Variants in HDAC8 observed in about 807,000 individuals in gnomAD.
The protein encoded by HDAC8 is histone deacetylase-like 1.
In HDAC8, 1 loss-of-function variant was observed where a neutral mutation model predicts 32.2. The ratio of observed to expected loss-of-function variants is 0.03; its 90% CI spans 0.01 to 0.15. HDAC8 has a LOEUF of 0.15. Ranked by LOEUF, HDAC8 falls within the 10% of genes least tolerant of loss-of-function variation. The pLI, the probability that HDAC8 is intolerant of heterozygous loss-of-function variation, is 1.00. For missense variants in HDAC8, 117 were observed against 300.0 expected (o/e 0.39, Z 4.51); for synonymous variants, 108 against 113.9 (o/e 0.95, Z 0.33).
chrX:72,454,126 A>G lies in HDAC8; in HGVS notation c.1005+7878T>C. 1.8e-5 allele frequency among the ~76,000 whole-genome samples: 2 copies of G among 112,322 alleles called. 1 individual carries two copies. Among genetic ancestry groups the G allele is most frequent in the South Asian group, 7.4e-4 (2 of 2,704 alleles). On this transcript the variant is annotated intron_variant, in intron 9 of 10. Transcript: ENST00000373573. ...TATTGAAAAATGCTGGAATGGATGA[A>G]TATAAAAGATATTTTCTTACTCATA... is the stretch of plus-strand genomic sequence containing the variant.
At chrX:72,482,186 G>A (rs1393332180) in intron 7 of HDAC8, among the ~76,000 whole-genome samples, 1 of 111,180 alleles carries the variant, frequency 9.0e-6, no homozygotes, top group Non-Finnish European at 1.9e-5. Context: ...AGGACCAAGA[G>A]GTGGTATAAA....
At chrX:72,571,722 A>T (rs1001488308) in intron 2 of HDAC8, among the ~76,000 whole-genome samples, 4 of 107,963 alleles carry the variant, frequency 3.7e-5, no homozygotes, top group African/African-American at 1.3e-4. Context: ...GCCCGCTACC[A>T]CGTCCGGCTA....
chrX:72,376,921 G>A (rs1328791035), intron 9 of HDAC8: 1 of 110,545 alleles, frequency 9.0e-6, no homozygotes, highest in Non-Finnish European at 1.9e-5. Context: ...CATTCATCTT[G>A]GAGTATTTTA....
intron 4 of HDAC8, among the ~76,000 whole-genome samples, chrX:72,497,665 G>A (rs782769117): frequency 1.8e-5 from 2 of 111,371 alleles, no homozygotes; most frequent in South Asian, 3.8e-4. Flanking sequence ...AAGTGTTTAC[G>A]ATTATAAAAA....
chrX:72,395,006 A>T (rs782146692), intron 9 of HDAC8, among the ~76,000 whole-genome samples: 1 of 111,318 alleles, frequency 9.0e-6, no homozygotes, highest in South Asian at 3.8e-4. Flanking sequence ...AAGAACAGTG[A>T]CTCACCCAGA....
At chrX:72,366,655 A>G (rs2044707200) in intron 9 of HDAC8, among the ~76,000 whole-genome samples, 2 of 112,265 alleles carry the variant, frequency 1.8e-5, no homozygotes, top group African/African-American at 6.5e-5. Flanking sequence ...GGCACATAGT[A>G]GGCGCTCCAT....
At chrX:72,459,456 C>G (rs2047809008) in intron 9 of HDAC8, among the ~76,000 whole-genome samples, 1 of 110,630 alleles carries the variant, frequency 9.0e-6, no homozygotes, top group Non-Finnish European at 1.9e-5. Context: ...AGAACTAAAG[C>G]CCAAGACTGA....
chrX:72,486,082 CAG>C (rs2048667215), intron 7 of HDAC8, among the ~76,000 whole-genome samples: 1 of 110,399 alleles, frequency 9.1e-6, no homozygotes, highest in African/African-American at 3.3e-5. Flanking sequence ...AGATCGCCGA[CAG>C]AGTGAGACAC....
At chrX:72,533,682 G>T (rs782527213) in intron 4 of HDAC8, among the ~76,000 whole-genome samples, 34 of 111,289 alleles carry the variant, frequency 3.1e-4, no homozygotes, top group Non-Finnish European at 4.7e-4. Flanking sequence ...ACCAAAAAAG[G>T]ATTTATCCCA....
intron 2 of HDAC8, among the ~76,000 whole-genome samples, chrX:72,570,857 G>A (rs2052005021): frequency 8.9e-6 from 1 of 111,996 alleles, no homozygotes; most frequent in African/African-American, 3.2e-5. Context: ...GCAAGTTCAT[G>A]TTTTTGGAAG....
chrX:72,440,049 T>G (rs1670067360), intron 9 of HDAC8, among the ~76,000 whole-genome samples: 1 of 111,962 alleles, frequency 8.9e-6, no homozygotes, highest in Non-Finnish European at 1.9e-5. Context: ...TTGCACTTAT[T>G]CCAAAATTGA....
intron 4 of HDAC8, among the ~76,000 whole-genome samples, chrX:72,530,950 C>G (rs2050317444): frequency 8.9e-6 from 1 of 111,918 alleles, no homozygotes; most frequent in Admixed American, 9.5e-5. Flanking sequence ...AGGAAGAACA[C>G]CGTGAAGGTG....
intron 9 of HDAC8, among the ~76,000 whole-genome samples, chrX:72,359,947 T>C (rs1338419881): frequency 9.2e-6 from 1 of 108,972 alleles, no homozygotes. Flanking sequence ...TCCAGCTACT[T>C]GGGAGGCTGA....
intron 9 of HDAC8, among the ~76,000 whole-genome samples, chrX:72,431,593 T>C (rs1375522159): frequency 1.8e-5 from 2 of 111,100 alleles, no homozygotes; most frequent in Non-Finnish European, 3.8e-5. Context: ...GTCCTACCTG[T>C]TGCTGCCATT....
chrX:72,452,622 C>T (rs921995768), intron 9 of HDAC8, among the ~76,000 whole-genome samples: 2 of 111,654 alleles, frequency 1.8e-5, no homozygotes, highest in Non-Finnish European at 3.8e-5. Context: ...AATAAAAAGG[C>T]TAGTCAAGAC....
At chrX:72,410,533 T>C (rs1555969894) in intron 9 of HDAC8, among the ~76,000 whole-genome samples, 2 of 111,857 alleles carry the variant, frequency 1.8e-5, no homozygotes, top group Non-Finnish European at 3.8e-5. Flanking sequence ...AGCATTCAAT[T>C]ATAATACAAA....
At chrX:72,439,080 C>A (rs1031639381) in intron 9 of HDAC8, among the ~76,000 whole-genome samples, 1 of 111,610 alleles carries the variant, frequency 9.0e-6, no homozygotes, top group Non-Finnish European at 1.9e-5. Flanking sequence ...TCGGGTTACC[C>A]ACAAAGGGAA....
At chrX:72,533,493 G>A (rs1436127129) in intron 4 of HDAC8, among the ~76,000 whole-genome samples, 6 of 111,387 alleles carry the variant, frequency 5.4e-5, no homozygotes, top group African/African-American at 2.0e-4. Context: ...GAAACAGACA[G>A]AATACTTCCC....
rs549411405 is a variant in HDAC8 at position 72,416,408 on chromosome X, G to GT, written c.1005+45595dup. ...GATATTGGAAATTTGTGTCTTCTCTGTTTTTTTTTTTTTTTTTTTTTTTTT... is the reference window on the plus strand; with the variant it reads ...GATATTGGAAATTTGTGTCTTCTCTGTTTTTTTTTTTTTTTTTTTTTTTTTT... On this transcript the variant is annotated intron_variant, in intron 9 of 10. Coordinates refer to ENST00000373573, the MANE Select transcript of HDAC8 (RefSeq NM_018486.3). 9.2e-3 allele frequency among the ~76,000 whole-genome samples: 34 copies of GT among 3,690 alleles called. 13 individuals are homozygous for GT. Among genetic ancestry groups the GT allele is most frequent in the Non-Finnish European group, 0.024 (28 of 1,175 alleles). 3.2% of individuals were successfully genotyped at this position (3,690 alleles called of 115,157 possible).
Sources: allele counts gnomAD v4.1 joint callset (sites outside exome capture counted in the v4.1 genomes callset), GRCh38; gene constraint gnomAD v4.1.1; transcripts MANE v1.5; gene names NCBI Gene and HGNC (gene_info 2026-07-23, HGNC 2026-07-21).